The following TARS3 variants were observed in gnomAD, a reference collection of about 807,000 sequenced individuals.
TARS3 encodes the protein threonyl-tRNA synthetase 3.
A neutral mutation model predicts 103.5 loss-of-function variants in TARS3; 94 were observed. The observed-to-expected ratio is 0.91, with a 90% confidence interval of 0.77 to 1.08. The LOEUF (loss-of-function observed/expected upper bound fraction) is 1.08. Ranked by LOEUF, TARS3 falls within the 50% of genes least tolerant of loss-of-function variation. The pLI, the probability that TARS3 is intolerant of heterozygous loss-of-function variation, is 0.00. For missense variants in TARS3, 952 were observed against 995.2 expected, an observed-to-expected ratio of 0.96 and a Z score of 0.58; for synonymous variants, 416 against 355.4, an observed-to-expected ratio of 1.17 and a Z score of -1.92.
rs1897138072 is a variant in TARS3, at chr15:101,654,824, C to A, written c.2261-94G>T. On this transcript the variant is annotated intron_variant, in intron 18 of 18. Coordinates refer to ENST00000335968, the MANE Select transcript of TARS3 (RefSeq NM_152334.3). ...CATGACATGTTTTTATCAAGTTTTTCTTCACTAATATTAAATATCATCTAA... is the reference window on the plus strand; with the variant it reads ...CATGACATGTTTTTATCAAGTTTTTATTCACTAATATTAAATATCATCTAA... The A allele has an allele frequency of 2.5e-6, 3 of 1,212,076 alleles. No homozygotes were observed. The South Asian group carries it at 4.1e-5, about 16-fold the overall frequency. 75.1% of individuals were successfully genotyped at this position (1,212,076 alleles called of 1,614,324 possible).
At chr15:101,715,339 G>A (rs1345308589) in intron 3 of TARS3, among the ~76,000 whole-genome samples, 1 of 151,510 alleles carries the variant, frequency 6.6e-6, no homozygotes, top group Non-Finnish European at 1.5e-5. Context: ...GTAGAGACGG[G>A]GTTTCACCGT....
At chr15:101,697,572 G>C (rs1567343646) in intron 10 of TARS3, among the ~76,000 whole-genome samples, 1 of 152,130 alleles carries the variant, frequency 6.6e-6, no homozygotes, top group Non-Finnish European at 1.5e-5. Context: ...GACCTGCTGG[G>C]TTCAAAAATG....
intron 10 of TARS3, among the ~76,000 whole-genome samples, chr15:101,694,313 C>A (rs1356338740): frequency 6.6e-6 from 1 of 152,236 alleles, no homozygotes; most frequent in Non-Finnish European, 1.5e-5. Flanking sequence ...CACAGAAATG[C>A]AGCAGTTCCA....
At chr15:101,723,204 A>G in intron 1 of TARS3, 40 bp from the exon 2 acceptor site, 1 of 1,561,496 alleles carries the variant, frequency 6.4e-7, no homozygotes, top group Non-Finnish European at 8.8e-7. Flanking sequence ...CAATGGCAAG[A>G]AAAAGCAACA....
intron 10 of TARS3, among the ~76,000 whole-genome samples, chr15:101,691,543 G>C (rs908927215): frequency 6.6e-6 from 1 of 152,274 alleles, no homozygotes; most frequent in African/African-American, 2.4e-5. Flanking sequence ...GCCTCCCAAA[G>C]TGCTGGGATT....
rs182345145 is a variant in TARS3, at chr15:101,671,995, G to A, written c.1789-247C>T. Among the ~76,000 whole-genome samples the A allele has an allele frequency of 2.0e-5, 3 of 152,218 alleles. No homozygotes were observed. In the South Asian group the frequency reaches 6.2e-4, roughly 32 times the overall value. On this transcript the variant is annotated intron_variant, in intron 13 of 18. Coordinates refer to ENST00000335968, the MANE Select transcript of TARS3 (RefSeq NM_152334.3). ...AAGATCATTTATAAATTGTTCCAGT[G>A]AATTCCAGGTAAGCATTAGGGAGGG...
intron 12 of TARS3, among the ~76,000 whole-genome samples, chr15:101,680,804 T>A (rs1775792857): frequency 6.6e-6 from 1 of 152,208 alleles, no homozygotes; most frequent in South Asian, 2.1e-4. Flanking sequence ...TTTTAAATTT[T>A]GAGGAATCCA....
At chr15:101,713,638 AG>A (rs1899980459) in intron 4 of TARS3, among the ~76,000 whole-genome samples, 1 of 152,232 alleles carries the variant, frequency 6.6e-6, no homozygotes, top group Non-Finnish European at 1.5e-5. Context: ...AAAACCTCCA[AG>A]GTTCTGGAAT....
chr15:101,670,934 G>A (rs974735722), intron 15 of TARS3, among the ~76,000 whole-genome samples: 1 of 152,128 alleles, frequency 6.6e-6, no homozygotes, highest in South Asian at 2.1e-4. Context: ...TTCTGGAAAG[G>A]GCAAGACTAT....
intron 10 of TARS3, among the ~76,000 whole-genome samples, chr15:101,687,310 G>A (rs1030521734): frequency 1.3e-5 from 2 of 152,162 alleles, no homozygotes; most frequent in African/African-American, 4.8e-5. Context: ...GGCTGAAGCA[G>A]GAGAATCGCT....
chr15:101,664,119 C>T (rs1478997669), intron 15 of TARS3: 1 of 152,250 alleles, frequency 6.6e-6, no homozygotes. Flanking sequence ...TCCAGTACCC[C>T]TACTTTGTTC....
chr15:101,701,197 A>T lies in TARS3; in HGVS notation c.1222-13T>A. 6.5e-7 allele frequency: 1 copy of T among 1,548,380 alleles called. No individual in the cohort carries two copies. Reference sequence around the variant, plus strand: ...AAAGTTCTTGTTCCTAGATTGAAACAAAAATTGCATTTCAAATGTCATCTG... The same window carrying T: ...AAAGTTCTTGTTCCTAGATTGAAACTAAAATTGCATTTCAAATGTCATCTG... On this transcript the variant is annotated splice_polypyrimidine_tract_variant and intron_variant, in intron 9 of 18. Coordinates refer to ENST00000335968, the MANE Select transcript of TARS3 (RefSeq NM_152334.3).
intron 10 of TARS3, among the ~76,000 whole-genome samples, chr15:101,690,066 T>C (rs1341757784): frequency 6.6e-6 from 1 of 152,242 alleles, no homozygotes; most frequent in African/African-American, 2.4e-5. Context: ...CACCACATGA[T>C]GACACATCGG....
chr15:101,719,824 G>A (rs1900356269), intron 3 of TARS3, among the ~76,000 whole-genome samples: 2 of 152,218 alleles, frequency 1.3e-5, no homozygotes. Context: ...GACCAGAGAT[G>A]TCCACTAGGC....
intron 2 of TARS3, among the ~76,000 whole-genome samples, chr15:101,721,609 C>G (rs1206088409): frequency 1.3e-5 from 2 of 152,208 alleles, no homozygotes; most frequent in Non-Finnish European, 2.9e-5. Context: ...ATTTTCCTGC[C>G]TCGGCCACCC....
intron 3 of TARS3, among the ~76,000 whole-genome samples, chr15:101,718,283 G>A (rs564637195): frequency 6.6e-6 from 1 of 152,146 alleles, no homozygotes; most frequent in East Asian, 1.9e-4. Flanking sequence ...CAGGAGAATC[G>A]CTTGAAACCG....
intron 13 of TARS3, among the ~76,000 whole-genome samples, chr15:101,672,660 C>G (rs892600070): frequency 2.6e-5 from 4 of 152,138 alleles, no homozygotes; most frequent in Non-Finnish European, 4.4e-5. Flanking sequence ...CAGTCAGGAT[C>G]TGATCTTGAG....
chr15:101,669,921 C>T (rs773516619), intron 15 of TARS3, among the ~76,000 whole-genome samples: 43 of 152,184 alleles, frequency 2.8e-4, no homozygotes, highest in African/African-American at 3.9e-4. Context: ...AAAGGCAAGT[C>T]GATGGTGAAA....
chr15:101,723,301 G>A, intron 1 of TARS3, 137 bp from the exon 2 acceptor site: 1 of 685,996 alleles, frequency 1.5e-6, no homozygotes. Context: ...ACCAGCTACA[G>A]CTCTCAGTGG....
Sources: allele counts gnomAD v4.1 joint callset (sites outside exome capture counted in the v4.1 genomes callset), GRCh38; gene constraint gnomAD v4.1.1; transcripts MANE v1.5; gene names NCBI Gene and HGNC (gene_info 2026-07-23, HGNC 2026-07-21).